The following USP32 variants were observed in gnomAD, a reference collection of about 807,000 sequenced individuals.
The protein encoded by USP32 is ubiquitin specific peptidase 32, also known as ubiquitin carboxyl-terminal hydrolase 32.
USP32 carries 59 observed loss-of-function variants against 204.8 expected under a neutral mutation model. That is an observed-to-expected ratio of 0.29 (90% CI 0.23 to 0.36). The LOEUF (loss-of-function observed/expected upper bound fraction) is 0.36, where lower values mean the gene tolerates loss of function less well. Among genes scored for constraint, USP32 ranks in the 10% least tolerant of loss-of-function variants. USP32 has a pLI of 1.00. For synonymous variants in USP32, 517 were observed against 678.4 expected (o/e 0.76, Z 3.70); for missense variants, 1,160 against 1,946.4 (o/e 0.60, Z 7.60).
intron 3 of USP32, among the ~76,000 whole-genome samples, chr17:60,296,139 CAT>C (rs909309749): frequency 2.0e-5 from 3 of 152,108 alleles, no homozygotes; most frequent in African/African-American, 4.8e-5. Flanking sequence ...AAATCAGGGA[CAT>C]ATGATACAAT....
chr17:60,388,289 TAC>T (rs35068599), intron 1 of USP32, among the ~76,000 whole-genome samples: 7,625 of 141,418 alleles, frequency 0.054, 223 homozygotes, highest in Admixed American at 0.072. Flanking sequence ...AGCCGATTCT[TAC>T]ACACACACAC....
intron 10 of USP32, among the ~76,000 whole-genome samples, chr17:60,254,115 T>C (rs948677527): frequency 1.3e-5 from 2 of 152,110 alleles, no homozygotes; most frequent in Non-Finnish European, 2.9e-5. Flanking sequence ...TTCACAGTGG[T>C]GAAAGGAAAA....
intron 2 of USP32, among the ~76,000 whole-genome samples, chr17:60,330,750 T>C (rs184588482): frequency 2.4e-4 from 37 of 152,276 alleles, no homozygotes; most frequent in Non-Finnish European, 3.8e-4. Context: ...TCTCGCTGTG[T>C]TGGCCAGGCT....
intron 1 of USP32, among the ~76,000 whole-genome samples, chr17:60,360,649 T>C (rs1023186361): frequency 6.6e-6 from 1 of 152,086 alleles, no homozygotes; most frequent in African/African-American, 2.4e-5. Context: ...CACTCCAGCC[T>C]GGGCAACAGA....
At chr17:60,343,783 G>C (rs1436089293) in intron 2 of USP32, among the ~76,000 whole-genome samples, 2 of 152,198 alleles carry the variant, frequency 1.3e-5, no homozygotes, top group Non-Finnish European at 2.9e-5. Context: ...TGCAATCCCA[G>C]CACTTTGGGA....
intron 18 of USP32, among the ~76,000 whole-genome samples, chr17:60,212,652 A>G (rs2084999880): frequency 6.6e-6 from 1 of 151,912 alleles, no homozygotes; most frequent in African/African-American, 2.4e-5. Flanking sequence ...ATACTCAACC[A>G]TCTACAGAAG....
chr17:60,180,710 G>C, intron 32 of USP32, 73 bp from the exon 33 acceptor site: 1 of 1,430,482 alleles, frequency 7.0e-7, no homozygotes. Flanking sequence ...ACTAGGATCT[G>C]AGCAGGAGAA....
intron 2 of USP32, among the ~76,000 whole-genome samples, chr17:60,337,164 T>C (rs2088542960): frequency 6.6e-6 from 1 of 152,172 alleles, no homozygotes; most frequent in Non-Finnish European, 1.5e-5. Context: ...CTAGACTATC[T>C]GGTAAATATG....
At chr17:60,228,900 C>T (rs1470862238) in intron 12 of USP32, among the ~76,000 whole-genome samples, 1 of 151,676 alleles carries the variant, frequency 6.6e-6, no homozygotes, top group East Asian at 1.9e-4. Flanking sequence ...ACTCTAGCCT[C>T]AGGTAATCCT....
intron 11 of USP32, among the ~76,000 whole-genome samples, chr17:60,238,976 C>T (rs8078663): frequency 5.8e-4 from 88 of 152,148 alleles, no homozygotes; most frequent in African/African-American, 1.8e-3. Context: ...ACAAAACAAA[C>T]GAAAACCTTT....
chr17:60,269,648 A>G, intron 6 of USP32, 91 bp from the exon 7 acceptor site: 2 of 1,079,846 alleles, frequency 1.9e-6, no homozygotes, highest in Non-Finnish European at 2.6e-6. Flanking sequence ...ACTCTTTCCC[A>G]TAAACTGACT....
intron 1 of USP32, among the ~76,000 whole-genome samples, chr17:60,364,963 T>C (rs1356466606): frequency 6.6e-6 from 1 of 152,206 alleles, no homozygotes; most frequent in Non-Finnish European, 1.5e-5. Context: ...CATCAAATGA[T>C]TACAAAAAGG....
rs1490318259 is a variant in USP32 at position 60,275,146 on chromosome 17, A to G, written c.572-3665T>C. On this transcript the variant is annotated intron_variant, in intron 5 of 33. Coordinates refer to ENST00000300896, the MANE Select transcript of USP32 (RefSeq NM_032582.4). ...CAGGCACATTTTGAGCACTCAATAA[A>G]TAAGTTTAATGAATAAATGAGAAGT... 3.9e-5 allele frequency among the ~76,000 whole-genome samples: 6 copies of G among 152,344 alleles called. No homozygotes were observed. In the South Asian group the frequency reaches 1.0e-3, roughly 26 times the overall value.
intron 33 of USP32, among the ~76,000 whole-genome samples, chr17:60,180,231 G>A (rs990279015): frequency 2.0e-5 from 3 of 151,682 alleles, no homozygotes; most frequent in Non-Finnish European, 4.4e-5. Context: ...TCACCATGTT[G>A]GCCAGTCTGG....
rs774942365 is a variant in USP32 at position 60,288,572 on chromosome 17, A to G, written c.522T>C (p.Asp174=). ...LSGGVYVTLT[D]DSDTPTFYQT... ...GGTAGAAAGTAGGAGTATCACTATC[A>G]TCAGTGAGGGTAACATACACACCTC... The change falls in exon 5 of 34, where the codon GAT becomes GAC. Residue 174 remains aspartate, a synonymous_variant. Transcript: ENST00000300896. 2 of 1,613,034 alleles carry G rather than the reference A, an allele frequency of 1.2e-6. No individual in the cohort carries two copies. The highest frequency in any genetic ancestry group is 8.5e-7 in the Non-Finnish European group (1 of 1,179,642).
chr17:60,371,885 CAAATA>C (rs891299076), intron 1 of USP32, among the ~76,000 whole-genome samples: 1 of 152,146 alleles, frequency 6.6e-6, no homozygotes, highest in Non-Finnish European at 1.5e-5. Flanking sequence ...TAAGCAAACA[CAAATA>C]AAATCAGTCA....
intron 12 of USP32, among the ~76,000 whole-genome samples, chr17:60,233,806 T>A (rs191483843): frequency 2.6e-5 from 4 of 152,186 alleles, no homozygotes; most frequent in Admixed American, 2.0e-4. Flanking sequence ...CTAATTAATA[T>A]GTATTTTCAG....
chr17:60,378,722 A>G (rs2089596027), intron 1 of USP32, among the ~76,000 whole-genome samples: 1 of 152,182 alleles, frequency 6.6e-6, no homozygotes, highest in Admixed American at 6.5e-5. Flanking sequence ...TGAAGTATCT[A>G]GAATAGGCAA....
At chr17:60,267,146 G>A (rs112233389) in intron 7 of USP32, among the ~76,000 whole-genome samples, 3 of 151,436 alleles carry the variant, frequency 2.0e-5, no homozygotes, top group Admixed American at 6.6e-5. Flanking sequence ...GGTGGCTCAC[G>A]CCTGCAATCC....
Sources: gnomAD v4.1 joint callset for allele counts (sites outside exome capture counted in the v4.1 genomes callset) on GRCh38, gnomAD v4.1.1 for gene constraint, MANE v1.5 for transcripts, NCBI Gene and HGNC (gene_info 2026-07-23, HGNC 2026-07-21) for gene names.